The following ZBTB20 variants were observed in gnomAD, a reference collection of about 807,000 sequenced individuals.
The protein encoded by ZBTB20 is zinc finger and BTB domain containing 20.
Under a neutral mutation model 56.9 loss-of-function variants are expected in ZBTB20, and 9 were observed. The ratio of observed to expected loss-of-function variants is 0.16; its 90% CI spans 0.10 to 0.28. ZBTB20 has a LOEUF of 0.28. Among genes scored for constraint, ZBTB20 ranks in the 10% least tolerant of loss-of-function variants. The probability of loss-of-function intolerance (pLI) is 1.00; values close to 1 mark genes in which losing one functional copy is unlikely to be tolerated. For missense variants in ZBTB20, 655 were observed against 1,003.0 expected (o/e 0.65, Z 4.69); for synonymous variants, 417 against 420.7 (o/e 0.99, Z 0.11).
chr3:114,677,317 C>T (rs532708560), intron 6 of ZBTB20, among the ~76,000 whole-genome samples: 2 of 152,248 alleles, frequency 1.3e-5, no homozygotes, highest in East Asian at 1.9e-4. Flanking sequence ...GACCAGCAGC[C>T]GCCAGTCCCC....
intron 6 of ZBTB20, among the ~76,000 whole-genome samples, chr3:114,666,323 G>C (rs1374419464): frequency 6.6e-6 from 1 of 152,010 alleles, no homozygotes; most frequent in Non-Finnish European, 1.5e-5. Flanking sequence ...CAAGTTAACA[G>C]TGGTTCACCT....
At chr3:114,973,755 T>C (rs1367196797) in intron 3 of ZBTB20, among the ~76,000 whole-genome samples, 2 of 152,056 alleles carry the variant, frequency 1.3e-5, no homozygotes, top group Non-Finnish European at 1.5e-5. Context: ...ACCATGCATG[T>C]AAGAAGAAAA....
intron 1 of ZBTB20, among the ~76,000 whole-genome samples, chr3:115,095,910 T>C (rs1478699940): frequency 6.6e-6 from 1 of 152,194 alleles, no homozygotes; most frequent in Non-Finnish European, 1.5e-5. Flanking sequence ...TTATTTGACA[T>C]TAGCTATAGT....
chr3:115,021,052 T>C (rs1177440730), intron 2 of ZBTB20, among the ~76,000 whole-genome samples: 1 of 151,022 alleles, frequency 6.6e-6, no homozygotes, highest in Non-Finnish European at 1.5e-5. Flanking sequence ...TTTTTTATCC[T>C]TTAGTTACTT....
chr3:115,019,162 T>A (rs2080101584), intron 2 of ZBTB20, among the ~76,000 whole-genome samples: 1 of 151,332 alleles, frequency 6.6e-6, no homozygotes, highest in Non-Finnish European at 1.5e-5. Flanking sequence ...TTTTTCCCAA[T>A]GTTGTTGTTA....
intron 7 of ZBTB20, among the ~76,000 whole-genome samples, chr3:114,395,623 T>A (rs1194589358): frequency 6.6e-6 from 1 of 152,164 alleles, no homozygotes; most frequent in Non-Finnish European, 1.5e-5. Context: ...ATTTAATGAA[T>A]AAGGCACCAA....
At position 114,781,051 on chromosome 3, in the gene ZBTB20, C is replaced by T. The variant is rs564343261; in HGVS notation, c.-343+20050G>A. ...AGAAAAAACAAACATTTTTAAGAGT[C>T]ATATAAAGGCAAATTTTAATTTGAA... On this transcript the variant is annotated intron_variant, in intron 5 of 11. Coordinates refer to ENST00000675478, the MANE Select transcript of ZBTB20 (RefSeq NM_001348800.3). 7.9e-5 allele frequency among the ~76,000 whole-genome samples: 12 copies of T among 152,124 alleles called. No homozygotes were observed. The South Asian group carries it at 2.3e-3, about 29-fold the overall frequency.
chr3:114,574,688 G>A (rs2053816776), intron 6 of ZBTB20, among the ~76,000 whole-genome samples: 1 of 152,104 alleles, frequency 6.6e-6, no homozygotes, highest in Non-Finnish European at 1.5e-5. Context: ...TGTCTGCCTG[G>A]TCTGTATTCC....
chr3:114,365,212 G>A (rs2082274794), intron 10 of ZBTB20, among the ~76,000 whole-genome samples: 2 of 152,218 alleles, frequency 1.3e-5, no homozygotes, highest in Non-Finnish European at 2.9e-5. Flanking sequence ...GGAGAACAGA[G>A]TGGCTTCAAA....
chr3:115,044,585 A>G (rs2081269593), intron 2 of ZBTB20, among the ~76,000 whole-genome samples: 1 of 152,240 alleles, frequency 6.6e-6, no homozygotes, highest in South Asian at 2.1e-4. Flanking sequence ...TATTATCTAT[A>G]TCAGTGATTT....
chr3:114,779,431 G>A (rs2069888849), intron 5 of ZBTB20, among the ~76,000 whole-genome samples: 1 of 152,016 alleles, frequency 6.6e-6, no homozygotes, highest in Non-Finnish European at 1.5e-5. Context: ...TATCACCCCT[G>A]GTAAGAAGTT....
chr3:114,928,167 C>A (rs1394608679), intron 3 of ZBTB20, among the ~76,000 whole-genome samples: 1 of 152,204 alleles, frequency 6.6e-6, no homozygotes, highest in African/African-American at 2.4e-5. Context: ...TCGTTTCATG[C>A]AGTTTTATCT....
intron 6 of ZBTB20, among the ~76,000 whole-genome samples, chr3:114,669,688 G>GT (rs963900577): frequency 3.4e-4 from 51 of 150,288 alleles, no homozygotes; most frequent in African/African-American, 1.1e-3. Context: ...TCTAGGACCA[G>GT]TTTTTTTTCC....
At chr3:114,942,772 G>A (rs553139757) in intron 3 of ZBTB20, among the ~76,000 whole-genome samples, 14 of 145,608 alleles carry the variant, frequency 9.6e-5, no homozygotes, top group Admixed American at 9.3e-4. Context: ...TCAAATTCAA[G>A]GCATTTGCTG....
intron 6 of ZBTB20, among the ~76,000 whole-genome samples, chr3:114,644,608 C>G (rs1036760904): frequency 6.6e-6 from 1 of 152,044 alleles, no homozygotes; most frequent in Admixed American, 6.6e-5. Context: ...ACAACAGGTG[C>G]TGCATGATTG....
intron 2 of ZBTB20, among the ~76,000 whole-genome samples, chr3:114,992,774 T>G (rs2078871341): frequency 6.6e-6 from 1 of 151,444 alleles, no homozygotes; most frequent in African/African-American, 2.4e-5. Context: ...AAACTAGAAA[T>G]CTTCTTAGGG....
At chr3:114,712,512 G>A (rs1350488884) in intron 5 of ZBTB20, among the ~76,000 whole-genome samples, 3 of 151,930 alleles carry the variant, frequency 2.0e-5, no homozygotes, top group African/African-American at 7.3e-5. Context: ...AATTAGCCGG[G>A]TGTGGTGGCG....
At chr3:114,872,254 T>C (rs2076041391) in intron 4 of ZBTB20, among the ~76,000 whole-genome samples, 1 of 152,050 alleles carries the variant, frequency 6.6e-6, no homozygotes, top group Admixed American at 6.6e-5. Context: ...AACACAAGGA[T>C]TAAAACCACA....
intron 1 of ZBTB20, among the ~76,000 whole-genome samples, chr3:115,112,648 C>G (rs2083910240): frequency 6.6e-6 from 1 of 152,152 alleles, no homozygotes; most frequent in African/African-American, 2.4e-5. Context: ...GTCTTACGGC[C>G]AAATAGTATT....
Sources: allele counts gnomAD v4.1 joint callset (sites outside exome capture counted in the v4.1 genomes callset), GRCh38; gene constraint gnomAD v4.1.1; transcripts MANE v1.5; gene names NCBI Gene and HGNC (gene_info 2026-07-23, HGNC 2026-07-21).